The following RBM6 variants were observed in gnomAD, a reference collection of about 807,000 sequenced individuals.
RBM6 encodes RNA-binding protein 6.
In RBM6, 23 loss-of-function variants were observed where a neutral mutation model predicts 140.4. The ratio of observed to expected loss-of-function variants is 0.16; its 90% CI spans 0.12 to 0.23. RBM6 has a LOEUF of 0.23. RBM6 is among the 10% of genes least tolerant of loss of function. RBM6 has a pLI of 1.00. For synonymous variants in RBM6, 439 were observed against 475.6 expected (o/e 0.92, Z 1.00); for missense variants, 1,139 against 1,386.7 (o/e 0.82, Z 2.84).
rs568645054 is a variant in RBM6, at chr3:50,044,713, C to CA, written c.1558-3531dup. Among the ~76,000 whole-genome samples the CA allele has an allele frequency of 1.5e-4, 23 of 152,226 alleles. No homozygotes were observed. In the East Asian group the frequency reaches 4.2e-3, roughly 28 times the overall value. On this transcript the variant is annotated intron_variant, in intron 6 of 20. Coordinates refer to ENST00000266022, the MANE Select transcript of RBM6 (RefSeq NM_005777.3). ...CTGTTTTCTGAAATCCAGAGAAAGG[C>CA]AGCAATGGGGAGGGGTGCAGTGTAT...
intron 6 of RBM6, among the ~76,000 whole-genome samples, chr3:50,024,051 TAAACTTC>T (rs149570181): frequency 6.6e-6 from 1 of 152,348 alleles, no homozygotes; most frequent in African/African-American, 2.4e-5. Context: ...TGGCTTAAGA[TAAACTTC>T]CCATAATGAC....
At chr3:50,076,882 T>TAA (rs199553129) in intron 20 of RBM6, 126 bp from the exon 21 acceptor site, 1,328 of 775,582 alleles carry the variant, frequency 1.7e-3, no homozygotes, top group Non-Finnish European at 1.9e-3. Context: ...TGACTCCATC[T>TAA]AAAAAAAAAA....
chr3:50,030,575 C>T lies in RBM6; in HGVS notation c.1558-17670C>T, dbSNP rs368586404. On this transcript the variant is annotated intron_variant, in intron 6 of 20. Transcript: ENST00000266022. ...GCCTCTTACCAGTAATTTTCAAAAG[C>T]GTCTGTATTGGTTAGGATTAGATTT... is the stretch of plus-strand genomic sequence containing the variant. 3.9e-5 allele frequency among the ~76,000 whole-genome samples: 6 copies of T among 152,026 alleles called. No individual in the cohort carries two copies. The East Asian group carries it at 5.8e-4, about 15-fold the overall frequency.
chr3:50,066,627 A>G lies in RBM6; in HGVS notation c.2943+125A>G, dbSNP rs2090131198. ...TGGATTGCCTGGGCTCAGAAGTACA[A>G]GACCAGTCTGGGCAACATGGTGAAA... On this transcript the variant is annotated intron_variant, in intron 17 of 20. Transcript: ENST00000266022. 6 of 1,243,310 alleles carry G rather than the reference A, an allele frequency of 4.8e-6. No individual in the cohort carries two copies. In the South Asian group the frequency reaches 8.6e-5, roughly 18 times the overall value. The allele number at this position is 1,243,310 out of a possible 1,614,324, so 77.0% of individuals were successfully genotyped here. A position where few individuals can be genotyped will look rare whatever the true frequency, so the allele number is the denominator to read the frequency against.
chr3:49,979,441 T>C (rs1000922887), intron 5 of RBM6, among the ~76,000 whole-genome samples: 1 of 150,214 alleles, frequency 6.7e-6, no homozygotes, highest in Non-Finnish European at 1.5e-5. Context: ...TTACTTTGTT[T>C]TTTTTTTTTT....
chr3:49,967,906 C>T lies in RBM6; in HGVS notation c.481C>T (p.His161Tyr), dbSNP rs147790577. ...PHMNYRDRDA[H>Y]AVDFRGRDAP... ...TATGAACTACAGAGACAGGGATGCTCACGCTGTTGACTTCAGAGGTAGGGA... is the reference window on the plus strand; with the variant it reads ...TATGAACTACAGAGACAGGGATGCTTACGCTGTTGACTTCAGAGGTAGGGA... The change falls in exon 3 of 21, where the codon CAC (histidine) becomes TAC (tyrosine). Residue 161 changes from histidine (H) to tyrosine (Y), a missense_variant. His to Tyr is a moderately conservative substitution (Grantham distance 83, BLOSUM62 2). Coordinates refer to ENST00000266022, the MANE Select transcript of RBM6 (RefSeq NM_005777.3). The surrounding 1 kb of genome is among the most constrained non-coding windows in gnomAD (Gnocchi z 4.0). The T allele has an allele frequency of 1.2e-6, 2 of 1,613,862 alleles. No homozygotes were observed. The highest frequency in any genetic ancestry group is 1.7e-6 in the Non-Finnish European group (2 of 1,179,822).
At chr3:49,978,885 T>C (rs1157820218) in intron 5 of RBM6, among the ~76,000 whole-genome samples, 1 of 152,198 alleles carries the variant, frequency 6.6e-6, no homozygotes, top group Admixed American at 6.5e-5. Context: ...ACCCCATGAA[T>C]TGTAAATTAT....
At chr3:49,973,674 C>T (rs1209987413) in intron 4 of RBM6, among the ~76,000 whole-genome samples, 2 of 148,318 alleles carry the variant, frequency 1.3e-5, no homozygotes, top group South Asian at 2.2e-4. Context: ...CAACCTCTGC[C>T]GCCAGGGTTC....
chr3:49,998,408 A>G (rs1435863723), intron 5 of RBM6, among the ~76,000 whole-genome samples: 1 of 152,158 alleles, frequency 6.6e-6, no homozygotes, highest in African/African-American at 2.4e-5. Context: ...CCATTTACAC[A>G]GTGTGATTCC....
intron 5 of RBM6, among the ~76,000 whole-genome samples, chr3:49,997,865 A>G (rs911705318): frequency 1.3e-5 from 2 of 152,216 alleles, no homozygotes; most frequent in Non-Finnish European, 2.9e-5. Context: ...TGTTAATAGG[A>G]TATGCATGCT....
At chr3:49,987,886 A>C (rs1184598038) in intron 5 of RBM6, among the ~76,000 whole-genome samples, 1 of 152,090 alleles carries the variant, frequency 6.6e-6, no homozygotes, top group Non-Finnish European at 1.5e-5. Flanking sequence ...TGATCCACCC[A>C]CCTTGGCCTC....
chr3:49,944,955 C>T (rs1377646388), intron 1 of RBM6, among the ~76,000 whole-genome samples: 1 of 151,508 alleles, frequency 6.6e-6, no homozygotes, highest in Non-Finnish European at 1.5e-5. Flanking sequence ...CGGCTCACTC[C>T]AAGCTCCGCC....
At chr3:49,985,163 G>A (rs1449890256) in intron 5 of RBM6, among the ~76,000 whole-genome samples, 1 of 152,198 alleles carries the variant, frequency 6.6e-6, no homozygotes, top group Non-Finnish European at 1.5e-5. Context: ...AGTCACTGAA[G>A]AGGTACTTCT....
Position 49,972,059 on chromosome 3 carries a change from G to T in RBM6, c.1324G>T (p.Asp442Tyr), listed in dbSNP as rs2108645427. ...AATAATTTTTCATTCTCAATTTAAG[G>T]ATCAAGATTATAGGACCGGCCCAAG... Reference protein sequence around the residue: ...TARDAQRDLQDQDYRTGPSEE... With the variant: ...TARDAQRDLQYQDYRTGPSEE... The change falls in exon 4 of 21, where the codon GAT becomes TAT. Residue 442 changes from aspartate to tyrosine, a missense_variant and splice_region_variant. Asp to Tyr is a radical substitution (Grantham distance 160, BLOSUM62 -3). Coordinates refer to ENST00000266022, the MANE Select transcript of RBM6 (RefSeq NM_005777.3). 3 of 1,602,500 alleles carry T rather than the reference G, an allele frequency of 1.9e-6. No individual in the cohort carries two copies. The highest frequency in any genetic ancestry group is 2.2e-5 in the South Asian group (2 of 90,032).
At chr3:50,054,917 A>G (rs1042538701) in intron 8 of RBM6, among the ~76,000 whole-genome samples, 2 of 152,050 alleles carry the variant, frequency 1.3e-5, no homozygotes, top group Admixed American at 6.6e-5. Context: ...TCCGCCTCCC[A>G]GGTTCACGCT....
chr3:49,982,954 C>T (rs1040750593), intron 5 of RBM6, among the ~76,000 whole-genome samples: 6 of 152,078 alleles, frequency 3.9e-5, no homozygotes, highest in Admixed American at 1.3e-4. Flanking sequence ...TCAAGCAATC[C>T]ACCTGCCTCG....
intron 5 of RBM6, among the ~76,000 whole-genome samples, chr3:49,988,443 C>T (rs2085666603): frequency 6.6e-6 from 1 of 151,762 alleles, no homozygotes; most frequent in African/African-American, 2.4e-5. Context: ...TGCGCCTGGC[C>T]TTCTTTTTTT....
intron 6 of RBM6, among the ~76,000 whole-genome samples, chr3:50,015,361 C>T (rs2087079714): frequency 6.6e-6 from 1 of 151,168 alleles, no homozygotes; most frequent in South Asian, 2.1e-4. Flanking sequence ...CCGCCTCAGC[C>T]TCCCAAAGTG....
intron 6 of RBM6, among the ~76,000 whole-genome samples, chr3:50,011,372 G>A (rs746952883): frequency 3.3e-5 from 5 of 152,114 alleles, no homozygotes; most frequent in Non-Finnish European, 5.9e-5. Context: ...AAGGTTGAAC[G>A]GACTTTCTGC....
Sources: allele counts gnomAD v4.1 joint callset (sites outside exome capture counted in the v4.1 genomes callset), GRCh38; gene constraint gnomAD v4.1.1; non-coding constraint Gnocchi (gnomAD v3.1); transcripts MANE v1.5; gene names NCBI Gene and HGNC (gene_info 2026-07-23, HGNC 2026-07-21).